PRKRA: variants seen among roughly 807,000 people sequenced by gnomAD.
The protein encoded by PRKRA is interferon-inducible double-stranded RNA-dependent protein kinase activator A.
Under a neutral mutation model 32.4 loss-of-function variants are expected in PRKRA, and 22 were observed. The ratio of observed to expected loss-of-function variants is 0.68; its 90% CI spans 0.49 to 0.97. The LOEUF (loss-of-function observed/expected upper bound fraction) is 0.97. PRKRA is among the 50% of genes least tolerant of loss of function. PRKRA has a pLI of 0.00. For synonymous variants in PRKRA, 139 were observed against 129.8 expected, an observed-to-expected ratio of 1.07 and a Z score of -0.48; for missense variants, 319 against 375.6, an observed-to-expected ratio of 0.85 and a Z score of 1.25.
chr2:178,445,861 G>A (rs1175605007), intron 3 of PRKRA: 1 of 152,340 alleles, frequency 6.6e-6, no homozygotes, highest in African/African-American at 2.4e-5. Flanking sequence ...CTCCCAAGCA[G>A]CTGGGATTAC....
chr2:178,448,572 A>G (rs879329459), intron 2 of PRKRA, among the ~76,000 whole-genome samples: 1 of 152,080 alleles, frequency 6.6e-6, no homozygotes, highest in Non-Finnish European at 1.5e-5. Flanking sequence ...AGCCTGGGTG[A>G]CAGAGTGAGA....
chr2:178,441,213 A>G (rs950592128), intron 6 of PRKRA, among the ~76,000 whole-genome samples: 15 of 152,228 alleles, frequency 9.9e-5, no homozygotes, highest in African/African-American at 3.4e-4. Flanking sequence ...CCTTAGAGGC[A>G]GGGACTGCTT....
chr2:178,449,979 G>A (rs1024423314), intron 2 of PRKRA: 66 of 555,626 alleles, frequency 1.2e-4, no homozygotes, highest in Admixed American at 1.2e-4. Flanking sequence ...GGATCCTAGG[G>A]TATGAGAAGA....
chr2:178,432,367 T>C (rs890017727), intron 7 of PRKRA, 113 bp from the exon 8 acceptor site: 14 of 1,348,288 alleles, frequency 1.0e-5, no homozygotes, highest in Non-Finnish European at 1.5e-5. Flanking sequence ...CTCCATGGTA[T>C]ACTACACCAC....
intron 2 of PRKRA, among the ~76,000 whole-genome samples, chr2:178,449,075 A>G (rs1432838645): frequency 6.6e-6 from 1 of 152,228 alleles, no homozygotes; most frequent in Non-Finnish European, 1.5e-5. Flanking sequence ...ACAGTATCAG[A>G]AGCCATGGAG....
chr2:178,448,451 A>C (rs1697401744), intron 2 of PRKRA, among the ~76,000 whole-genome samples: 1 of 152,138 alleles, frequency 6.6e-6, no homozygotes, highest in Non-Finnish European at 1.5e-5. Flanking sequence ...GTAGTGTGGG[A>C]TTTTTGTCTG....
intron 6 of PRKRA, among the ~76,000 whole-genome samples, chr2:178,438,124 G>A (rs1219944473): frequency 6.6e-6 from 1 of 152,030 alleles, no homozygotes; most frequent in African/African-American, 2.4e-5. Flanking sequence ...TGTGCAGTAG[G>A]TTTTATGTTG....
chr2:178,444,846 C>T (rs1697255530), intron 3 of PRKRA, among the ~76,000 whole-genome samples: 1 of 152,176 alleles, frequency 6.6e-6, no homozygotes, highest in South Asian at 2.1e-4. Context: ...CACACCTCTC[C>T]CCTGTTCAGA....
At position 178,432,220 on chromosome 2, in the gene PRKRA, A is replaced by C. The variant is rs775966521; in HGVS notation, c.819T>G (p.Leu273=). 1.2e-6 allele frequency: 2 copies of C among 1,614,260 alleles called. No individual in the cohort carries two copies. Among genetic ancestry groups the C allele is most frequent in the South Asian group, 2.2e-5 (2 of 91,088 alleles). Residue 273 remains leucine (L), a synonymous_variant, in exon 8 of 8, where the codon CTT becomes CTG. Coordinates refer to ENST00000325748, the MANE Select transcript of PRKRA (RefSeq NM_003690.5). ...TGATGGGGCTGGTGGACAGTTCAGC[A>C]AGACATTGATATTGTCCATTGGCGC... ...ELSANGQYQC[L]AELSTSPITV...
intron 7 of PRKRA, among the ~76,000 whole-genome samples, chr2:178,433,053 A>G (rs1432793954): frequency 1.3e-5 from 2 of 152,330 alleles, no homozygotes; most frequent in African/African-American, 4.8e-5. Context: ...TTGATACTCT[A>G]TTTAGTGGAA....
intron 5 of PRKRA, among the ~76,000 whole-genome samples, chr2:178,442,751 G>A (rs543188240): frequency 2.6e-5 from 4 of 152,276 alleles, no homozygotes; most frequent in Admixed American, 6.5e-5. Context: ...AGGAATTCTC[G>A]CTAGTACTTT....
chr2:178,439,283 A>G (rs1243672637), intron 6 of PRKRA: 2 of 152,372 alleles, frequency 1.3e-5, no homozygotes, highest in African/African-American at 2.4e-5. Flanking sequence ...TGATACACAC[A>G]TACAGCAAAA....
chr2:178,447,863 T>C (rs1697382217), intron 2 of PRKRA, among the ~76,000 whole-genome samples: 1 of 152,350 alleles, frequency 6.6e-6, no homozygotes, highest in South Asian at 2.1e-4. Flanking sequence ...AAATCCTTAT[T>C]TCTACATTAT....
intron 7 of PRKRA, chr2:178,433,565 C>T (rs564090347): frequency 6.6e-6 from 1 of 152,264 alleles, no homozygotes. Context: ...GAAGTGGTAC[C>T]TTATTATCGT....
intron 7 of PRKRA, among the ~76,000 whole-genome samples, chr2:178,435,378 C>T (rs535641250): frequency 2.0e-4 from 26 of 128,522 alleles, no homozygotes; most frequent in Non-Finnish European, 3.2e-4. Context: ...AACAATACTC[C>T]GTCTCAAAAA....
chr2:178,443,471 T>C, intron 4 of PRKRA, 87 bp from the exon 5 acceptor site: 1 of 901,354 alleles, frequency 1.1e-6, no homozygotes. Flanking sequence ...CCCATTTCTA[T>C]GTATATGTTT....
At chr2:178,442,960 T>C (rs1471786855) in intron 5 of PRKRA, among the ~76,000 whole-genome samples, 4 of 152,230 alleles carry the variant, frequency 2.6e-5, no homozygotes, top group Admixed American at 6.5e-5. Flanking sequence ...AGATTTACTA[T>C]AGCTTTTTCT....
In PRKRA at chr2:178,432,082, T is replaced by A; in HGVS notation, c.*15A>T. ...TTTTATGTGCTACTGAAAGATTTTT[T>A]AAGTTGCTCCAGATTTACTTTCTTT... On this transcript the variant is annotated 3_prime_UTR_variant, in exon 8 of 8. Transcript: ENST00000325748. The A allele has an allele frequency of 6.2e-7, 1 of 1,614,038 alleles. No individual in the cohort carries two copies. Among genetic ancestry groups the A allele is most frequent in the Admixed American group, 1.7e-5 (1 of 60,024 alleles).
chr2:178,432,068 A>G lies in PRKRA; in HGVS notation c.*29T>C. On this transcript the variant is annotated 3_prime_UTR_variant, in exon 8 of 8. Transcript: ENST00000325748. ...GCCAGAGGGGAACTTTTTATGTGCT[A>G]CTGAAAGATTTTTTAAGTTGCTCCA... The G allele has an allele frequency of 6.2e-7, 1 of 1,612,674 alleles. No individual in the cohort carries two copies. Among genetic ancestry groups the G allele is most frequent in the Non-Finnish European group, 8.5e-7 (1 of 1,178,868 alleles).
Sources: allele counts gnomAD v4.1 joint callset (sites outside exome capture counted in the v4.1 genomes callset), GRCh38; gene constraint gnomAD v4.1.1; transcripts MANE v1.5; gene names NCBI Gene and HGNC (gene_info 2026-07-23, HGNC 2026-07-21).